Variants in CMC2 observed in about 807,000 individuals in gnomAD.
CMC2 encodes COX assembly mitochondrial protein 2 homolog.
In CMC2, 5 loss-of-function variants were observed where a neutral mutation model predicts 7.5. That is an observed-to-expected ratio of 0.66 (90% CI 0.35 to 1.40). The LOEUF (loss-of-function observed/expected upper bound fraction) is 1.40, where lower values mean the gene tolerates loss of function less well. Among genes scored for constraint, CMC2 ranks in the 40% most tolerant of loss-of-function variants. The pLI, the probability that CMC2 is intolerant of heterozygous loss-of-function variation, is 0.04. For synonymous variants in CMC2, 37 were observed against 31.4 expected (o/e 1.18, Z -0.60); for missense variants, 115 against 92.3 (o/e 1.25, Z -1.01).
At chr16:80,988,142 C>A (rs1967683515) in intron 2 of CMC2, among the ~76,000 whole-genome samples, 1 of 152,156 alleles carries the variant, frequency 6.6e-6, no homozygotes, top group Admixed American at 6.5e-5. Flanking sequence ...TTTGATTGTG[C>A]CACCGCACTC....
At chr16:80,992,704 C>A (rs2911149) in intron 2 of CMC2, among the ~76,000 whole-genome samples, 93,027 of 127,372 alleles carry the variant, frequency 0.73, 32,105 homozygotes, top group Middle Eastern at 0.83. Context: ...TATTCCCCCT[C>A]CTTTTTTTTT....
At chr16:81,005,601 A>T (rs1299134383) in intron 1 of CMC2, among the ~76,000 whole-genome samples, 6 of 81,010 alleles carry the variant, frequency 7.4e-5, no homozygotes, top group Admixed American at 6.5e-4. Context: ...GACCAGTTCT[A>T]AACCGATACC....
intron 1 of CMC2, among the ~76,000 whole-genome samples, chr16:81,003,703 G>C (rs1231988764): frequency 1.3e-5 from 2 of 152,218 alleles, no homozygotes; most frequent in Non-Finnish European, 2.9e-5. Context: ...TCAAAAGGTA[G>C]TCATTCTAGG....
At chr16:81,005,977 A>T (rs1402721841) in intron 1 of CMC2, among the ~76,000 whole-genome samples, 1 of 152,234 alleles carries the variant, frequency 6.6e-6, no homozygotes, top group African/African-American at 2.4e-5. Flanking sequence ...ATGAAAAAGA[A>T]ACTCATTTTA....
intron 1 of CMC2, among the ~76,000 whole-genome samples, chr16:81,001,061 G>A (rs1032796561): frequency 2.0e-5 from 3 of 152,150 alleles, no homozygotes; most frequent in African/African-American, 7.2e-5. Flanking sequence ...GGATGCAGCT[G>A]GAAGCCATTA....
chr16:80,967,462 C>A lies in CMC2; in HGVS notation c.*8631G>T, dbSNP rs1309745303. The A allele has an allele frequency of 6.6e-6, 1 of 152,380 alleles. No homozygotes were observed. Among genetic ancestry groups the A allele is most frequent in the African/African-American group, 2.4e-5 (1 of 41,444 alleles). The allele number at this position is 152,380 out of a possible 1,614,324, so 9.4% of individuals were successfully genotyped here. The stretch of plus-strand genomic sequence containing the variant: ...TCACGCCATTCTCCCGCCTCAGCCT[C>A]CCAAGTAGCTGGGACTACAGGCGCC... On this transcript the variant is annotated 3_prime_UTR_variant, in exon 4 of 4. Transcript: ENST00000219400.
At chr16:80,979,823 T>C (rs2151617975) in intron 3 of CMC2, among the ~76,000 whole-genome samples, 1 of 152,014 alleles carries the variant, frequency 6.6e-6, no homozygotes, top group South Asian at 2.1e-4. Context: ...GGTTTCACCA[T>C]GTTGGCTAGG....
At chr16:80,980,748 A>G (rs996539140) in intron 3 of CMC2, 9 of 672,522 alleles carry the variant, frequency 1.3e-5, no homozygotes, top group Non-Finnish European at 2.1e-5. Flanking sequence ...GTAAAACCTT[A>G]ACCAGGCATG....
intron 1 of CMC2, among the ~76,000 whole-genome samples, chr16:81,004,501 A>G (rs2602419): frequency 0.63 from 95,795 of 152,044 alleles, 31,701 homozygotes; most frequent in Middle Eastern, 0.79. Context: ...AACATCAAAA[A>G]GGTAAACTTG....
At chr16:81,002,287 G>A (rs1968922420) in intron 1 of CMC2, among the ~76,000 whole-genome samples, 1 of 152,094 alleles carries the variant, frequency 6.6e-6, no homozygotes, top group Admixed American at 6.6e-5. Flanking sequence ...TTAGCTGGGC[G>A]TGTTGGTGGG....
chr16:80,995,620 A>G (rs1023654906), intron 2 of CMC2, among the ~76,000 whole-genome samples: 8 of 152,136 alleles, frequency 5.3e-5, no homozygotes, highest in Non-Finnish European at 1.2e-4. Context: ...TCGCGCCACT[A>G]CACTCTAGGT....
At chr16:80,979,753 T>C (rs2151617848) in intron 3 of CMC2, among the ~76,000 whole-genome samples, 2 of 152,148 alleles carry the variant, frequency 1.3e-5, no homozygotes, top group East Asian at 3.9e-4. Flanking sequence ...CCCGAGTAGC[T>C]GGAACTACAG....
At chr16:80,993,744 C>T (rs1968194880) in intron 2 of CMC2, among the ~76,000 whole-genome samples, 1 of 152,080 alleles carries the variant, frequency 6.6e-6, no homozygotes, top group Non-Finnish European at 1.5e-5. Context: ...TGTAAAAACA[C>T]GAACTGCCTG....
Position 80,981,796 on chromosome 16 carries a change from C to A in CMC2, c.153+10G>T. Reference sequence around the variant, plus strand: ...GTTCAACCATATCCATCCTTTGACACTTTTCTTACCTCATTCTTCAGGCAT... The same window carrying A: ...GTTCAACCATATCCATCCTTTGACAATTTTCTTACCTCATTCTTCAGGCAT... On this transcript the variant is annotated intron_variant, in intron 3 of 3. Coordinates refer to ENST00000219400, the MANE Select transcript of CMC2 (RefSeq NM_020188.5). 1 of 1,580,454 alleles carries A rather than the reference C, an allele frequency of 6.3e-7. No individual in the cohort carries two copies. The highest frequency in any genetic ancestry group is 8.7e-7 in the Non-Finnish European group (1 of 1,151,780).
Position 80,975,048 on chromosome 16 carries a change from C to T in CMC2, c.*1045G>A, listed in dbSNP as rs74509445. ...TCCCTGACACCTGACAAGATCAAGCCCCTGCTGTGACTGCAGCTGGAAGCT... is the reference window on the plus strand; with the variant it reads ...TCCCTGACACCTGACAAGATCAAGCTCCTGCTGTGACTGCAGCTGGAAGCT... On this transcript the variant is annotated 3_prime_UTR_variant, in exon 4 of 4. Coordinates refer to ENST00000219400, the MANE Select transcript of CMC2 (RefSeq NM_020188.5). The T allele has an allele frequency of 0.047, 7,232 of 152,376 alleles. 246 individuals carry two copies. Among genetic ancestry groups the T allele is most frequent in the Non-Finnish European group, 0.072 (4,896 of 68,056 alleles). The allele number at this position is 152,376 out of a possible 1,614,324, so 9.4% of individuals were successfully genotyped here. A position where few individuals can be genotyped will look rare whatever the true frequency, so the allele number is the denominator to read the frequency against.
At chr16:80,989,388 T>C (rs1251879111) in intron 2 of CMC2, among the ~76,000 whole-genome samples, 1 of 152,236 alleles carries the variant, frequency 6.6e-6, no homozygotes, top group Admixed American at 6.5e-5. Context: ...CCTTATTCAA[T>C]TGATTATATT....
chr16:80,991,719 T>C (rs72823292), intron 2 of CMC2: 370 of 289,550 alleles, frequency 1.3e-3, no homozygotes, highest in Non-Finnish European at 2.2e-3. Flanking sequence ...ATAAATTATG[T>C]TGTAGTATGC....
chr16:81,006,738 C>T lies in CMC2; in HGVS notation c.-40G>A. 45 of 985,636 alleles carry T rather than the reference C, an allele frequency of 4.6e-5. No individual in the cohort carries two copies. Among genetic ancestry groups the T allele is most frequent in the Non-Finnish European group, 5.4e-5 (45 of 830,098 alleles). The allele number at this position is 985,636 out of a possible 1,614,324, so 61.1% of individuals were successfully genotyped here. On this transcript the variant is annotated 5_prime_UTR_variant, in exon 1 of 4. Coordinates refer to ENST00000219400, the MANE Select transcript of CMC2 (RefSeq NM_020188.5). Reference sequence around the variant, plus strand: ...GCCTGGACTCCCGAGACTCACCCGACTCGTGGCCACACCGGGAGAACTGAA... The same window carrying T: ...GCCTGGACTCCCGAGACTCACCCGATTCGTGGCCACACCGGGAGAACTGAA...
chr16:80,994,432 TA>T (rs33941831), intron 2 of CMC2, among the ~76,000 whole-genome samples: 28,638 of 149,006 alleles, frequency 0.19, 2,858 homozygotes, highest in African/African-American at 0.23. Flanking sequence ...CTAAAGGAAG[TA>T]AAAAAAAAAA....
Sources: allele counts gnomAD v4.1 joint callset (sites outside exome capture counted in the v4.1 genomes callset), GRCh38; gene constraint gnomAD v4.1.1; transcripts MANE v1.5; gene names NCBI Gene and HGNC (gene_info 2026-07-23, HGNC 2026-07-21).